Variants in C2CD5 observed in about 807,000 individuals in gnomAD.
C2CD5 encodes C2 domain-containing protein 5.
In C2CD5, 109 loss-of-function variants were observed where a neutral mutation model predicts 130.3. The ratio of observed to expected loss-of-function variants is 0.84; its 90% CI spans 0.72 to 0.98. The LOEUF is 0.98. C2CD5 is among the 50% of genes least tolerant of loss of function. C2CD5 has a pLI of 0.00. For missense variants in C2CD5, 996 were observed against 1,261.8 expected, an observed-to-expected ratio of 0.79 and a Z score of 3.19; for synonymous variants, 454 against 429.2, an observed-to-expected ratio of 1.06 and a Z score of -0.71.
At chr12:22,464,816 A>G (rs1007754760) in intron 22 of C2CD5, among the ~76,000 whole-genome samples, 4 of 152,218 alleles carry the variant, frequency 2.6e-5, no homozygotes, top group Admixed American at 6.5e-5. Flanking sequence ...TTTAATTAGT[A>G]TAAGGAATTA....
rs543754841 is a variant in C2CD5, at chr12:22,498,385, T to G, written c.1148-5048A>C. On this transcript the variant is annotated intron_variant, in intron 10 of 26. Coordinates refer to ENST00000446597, the MANE Select transcript of C2CD5 (RefSeq NM_001286176.2). ...ATAAAAACGTGACTGAATTGAAACT[T>G]AAACTAAAAAAAACAAAAAAGTTCA... Among the ~76,000 whole-genome samples, 15 of 152,190 alleles carry G rather than the reference T, an allele frequency of 9.9e-5. 1 individual carries two copies. Among genetic ancestry groups the G allele is most frequent in the African/African-American group, 3.6e-4 (15 of 41,552 alleles).
rs561325440 is a variant in C2CD5, at chr12:22,478,465, C to T, written c.1750G>A (p.Val584Met). The change falls in exon 15 of 27, where the codon GTG becomes ATG. Residue 584 changes from valine to methionine, a missense_variant. Around this residue, in one of 9 missense-constraint regions of C2CD5, gnomAD observed 590 missense variants for 631.4 expected, o/e 0.93. Transcript: ENST00000446597. ...GGAGTTGGTAAAGCTGCTAAATACA[C>T]ACCTGTGGCAGACTTGTAAAAAATA... Reference protein sequence around the residue: ...MLMGLASATGVYLAALPTPGG... With the variant: ...MLMGLASATGMYLAALPTPGG... 3.0e-5 allele frequency: 48 copies of T among 1,613,054 alleles called. No individual in the cohort carries two copies. In the South Asian group the frequency reaches 4.5e-4, roughly 15 times the overall value.
At chr12:22,470,572 A>G (rs931869256) in intron 21 of C2CD5, among the ~76,000 whole-genome samples, 26 of 152,136 alleles carry the variant, frequency 1.7e-4, no homozygotes, top group Non-Finnish European at 2.8e-4. Context: ...TTAATAGGCT[A>G]TAATTTAAGT....
chr12:22,462,806 G>A (rs1463832132), intron 22 of C2CD5, among the ~76,000 whole-genome samples: 1 of 152,144 alleles, frequency 6.6e-6, no homozygotes, highest in Admixed American at 6.5e-5. Context: ...GGACATTCTG[G>A]CCAGGGGCAG....
intron 4 of C2CD5, among the ~76,000 whole-genome samples, chr12:22,526,045 G>A (rs1021066250): frequency 6.6e-6 from 1 of 152,184 alleles, no homozygotes; most frequent in African/African-American, 2.4e-5. Flanking sequence ...TTCAACTTGG[G>A]ATGAGTTTAT....
chr12:22,469,707 A>G lies in C2CD5; in HGVS notation c.2533+2T>C. On this transcript the variant is annotated splice_donor_variant, in intron 22 of 26. Coordinates refer to ENST00000446597, the MANE Select transcript of C2CD5 (RefSeq NM_001286176.2). LOFTEE classifies it high-confidence loss of function. ...GTTTGCTTTTTCCCTCACTTAACCA[A>G]CCTTTAGCTGGTGGAAAAGGATGAG... The G allele has an allele frequency of 6.3e-7, 1 of 1,588,192 alleles. No individual in the cohort carries two copies. The highest frequency in any genetic ancestry group is 8.6e-7 in the Non-Finnish European group (1 of 1,165,370).
chr12:22,528,991 C>T (rs1950970575), intron 3 of C2CD5, among the ~76,000 whole-genome samples: 1 of 151,974 alleles, frequency 6.6e-6, no homozygotes, highest in East Asian at 1.9e-4. Context: ...TATAAGGGGT[C>T]CTCCTTTATA....
At chr12:22,500,323 A>C (rs1947600517) in intron 10 of C2CD5, among the ~76,000 whole-genome samples, 1 of 152,206 alleles carries the variant, frequency 6.6e-6, no homozygotes, top group Non-Finnish European at 1.5e-5. Flanking sequence ...GCATGAAGTA[A>C]CTATGTAAAC....
intron 26 of C2CD5, among the ~76,000 whole-genome samples, chr12:22,452,760 A>G (rs1210958629): frequency 2.0e-5 from 3 of 152,208 alleles, no homozygotes; most frequent in Non-Finnish European, 4.4e-5. Flanking sequence ...ATTAAACTTC[A>G]TGATTTCAAA....
chr12:22,539,276 G>T, intron 2 of C2CD5, among the ~76,000 whole-genome samples: 1 of 152,006 alleles, frequency 6.6e-6, no homozygotes. Context: ...TCTGACAATT[G>T]AGCTTCCTTC....
At chr12:22,500,936 A>G (rs1057015268) in intron 10 of C2CD5, among the ~76,000 whole-genome samples, 1 of 152,184 alleles carries the variant, frequency 6.6e-6, no homozygotes, top group African/African-American at 2.4e-5. Flanking sequence ...AATGGTATCA[A>G]CAATTCTTTT....
At chr12:22,485,475 C>T (rs565194791) in intron 12 of C2CD5, among the ~76,000 whole-genome samples, 35 of 150,954 alleles carry the variant, frequency 2.3e-4, no homozygotes, top group African/African-American at 8.3e-4. Flanking sequence ...TAGGTACCCC[C>T]CAAAATTAAA....
chr12:22,508,924 C>T (rs909308162), intron 9 of C2CD5, among the ~76,000 whole-genome samples: 5 of 149,426 alleles, frequency 3.3e-5, no homozygotes, highest in Non-Finnish European at 5.9e-5. Flanking sequence ...GGCCAGACTG[C>T]GGACTGCAGT....
At chr12:22,485,368 G>T (rs1192449338) in intron 12 of C2CD5, among the ~76,000 whole-genome samples, 1 of 151,758 alleles carries the variant, frequency 6.6e-6, no homozygotes, top group Non-Finnish European at 1.5e-5. Context: ...AAAATAGAAA[G>T]AATGAATAAG....
chr12:22,503,198 T>A (rs996234472), intron 10 of C2CD5, among the ~76,000 whole-genome samples: 1 of 152,130 alleles, frequency 6.6e-6, no homozygotes, highest in East Asian at 1.9e-4. Context: ...AAATTTCCCA[T>A]ATTCACCGGT....
chr12:22,453,744 C>A, intron 26 of C2CD5, 152 bp downstream of exon 26: 2 of 653,974 alleles, frequency 3.1e-6, no homozygotes, highest in South Asian at 2.0e-5. Flanking sequence ...CTATGTATGA[C>A]CATGGTTATG....
chr12:22,521,176 C>CTT (rs998943087), intron 7 of C2CD5, among the ~76,000 whole-genome samples: 3 of 152,078 alleles, frequency 2.0e-5, no homozygotes, highest in African/African-American at 7.2e-5. Context: ...ATAAAATAGG[C>CTT]TTTGAAATAG....
chr12:22,495,730 A>AC (rs1392407124), intron 10 of C2CD5, among the ~76,000 whole-genome samples: 2 of 152,134 alleles, frequency 1.3e-5, no homozygotes, highest in Non-Finnish European at 2.9e-5. Context: ...AGAGTTACAT[A>AC]ACATGGGAGC....
In C2CD5 at chr12:22,451,090, TA is replaced by T. The variant is rs889965146; in HGVS notation, c.3025-1200del. On this transcript the variant is annotated intron_variant, in intron 26 of 26. Transcript: ENST00000446597. The stretch of plus-strand genomic sequence containing the variant: ...AGTGTTACATCTCTAGAAGTTACCA[TA>T]AAAAAAAAAATGAAAAATTTGGTTG... Among the ~76,000 whole-genome samples, 386 of 144,102 alleles carry T rather than the reference TA, an allele frequency of 2.7e-3. 2 individuals are homozygous for T. The highest frequency in any genetic ancestry group is 4.4e-3 in the Non-Finnish European group (284 of 65,248). The allele number at this position is 144,102 out of a possible 152,430, so 94.5% of individuals were successfully genotyped here. A position where few individuals can be genotyped will look rare whatever the true frequency, so the allele number is the denominator to read the frequency against.
Sources: allele counts gnomAD v4.1 joint callset (sites outside exome capture counted in the v4.1 genomes callset), GRCh38; gene constraint gnomAD v4.1.1; regional missense constraint gnomAD v4.1.1; transcripts MANE v1.5; gene names NCBI Gene and HGNC (gene_info 2026-07-23, HGNC 2026-07-21).